Variants in PTPN2 observed in about 807,000 individuals in gnomAD.
The protein encoded by PTPN2 is tyrosine-protein phosphatase non-receptor type 2.
A neutral mutation model predicts 57.3 loss-of-function variants in PTPN2; 19 were observed. The observed-to-expected ratio is 0.33, with a 90% CI of 0.23 to 0.49. PTPN2 has a LOEUF of 0.49. Among genes scored for constraint, PTPN2 ranks in the 20% least tolerant of loss-of-function variants. The pLI, the probability that PTPN2 is intolerant of heterozygous loss-of-function variation, is 0.99. For synonymous variants in PTPN2, 153 were observed against 164.9 expected, an observed-to-expected ratio of 0.93 and a Z score of 0.55; for missense variants, 358 against 501.1, an observed-to-expected ratio of 0.71 and a Z score of 2.73.
At chr18:12,794,782 C>A (rs2041106239) in intron 8 of PTPN2, among the ~76,000 whole-genome samples, 2 of 152,082 alleles carry the variant, frequency 1.3e-5, no homozygotes, top group Admixed American at 1.3e-4. Context: ...CCACTATGCC[C>A]AGCTAATTTT....
downstream of PTPN2, among the ~76,000 whole-genome samples, chr18:12,789,584 C>T (rs897743546): frequency 1.1e-4 from 16 of 152,160 alleles, 1 homozygote; most frequent in African/African-American, 3.9e-4. Flanking sequence ...CACAGCCAGG[C>T]GAGGGAGGAC....
chr18:12,870,939 A>T (rs553406569), intron 1 of PTPN2, among the ~76,000 whole-genome samples: 71 of 152,242 alleles, frequency 4.7e-4, no homozygotes, highest in Middle Eastern at 3.4e-3. Flanking sequence ...GTTAAGTCAC[A>T]TTCTCCTCTC....
chr18:12,859,377 T>C (rs1321817753), intron 1 of PTPN2, 123 bp from the exon 2 acceptor site: 4 of 608,000 alleles, frequency 6.6e-6, no homozygotes, highest in Admixed American at 6.1e-5. Context: ...GGAAAGCACA[T>C]TGTTTACATC....
intron 2 of PTPN2, among the ~76,000 whole-genome samples, chr18:12,853,751 T>C (rs1167621355): frequency 6.6e-6 from 1 of 152,228 alleles, no homozygotes; most frequent in East Asian, 1.9e-4. Context: ...TCAGTTTTAC[T>C]GAAATGAATA....
rs200147586 is a variant in PTPN2 at position 12,870,400 on chromosome 18, TAC to T, written c.70-11148_70-11147del. On this transcript the variant is annotated intron_variant, in intron 1 of 8. Transcript: ENST00000309660. ...ATATATATACGTATATATGTATATATACACGTATATATATGTATATATATACG... is the reference window on the plus strand; with the variant it reads ...ATATATATACGTATATATGTATATATACGTATATATATGTATATATATACG... Among the ~76,000 whole-genome samples, 11 of 83,798 alleles carry T rather than the reference TAC, an allele frequency of 1.3e-4. 1 individual carries two copies. Among genetic ancestry groups the T allele is most frequent in the African/African-American group, 1.7e-4 (2 of 11,744 alleles). 55.0% of individuals were successfully genotyped at this position (83,798 alleles called of 152,430 possible). A position where few individuals can be genotyped will look rare whatever the true frequency, so the allele number is the denominator to read the frequency against.
chr18:12,883,851 G>A (rs1364601062), intron 1 of PTPN2: 2 of 460,638 alleles, frequency 4.3e-6, no homozygotes, highest in Non-Finnish European at 7.7e-6. Context: ...CTAACCATGA[G>A]CTGCTCAGCT....
chr18:12,854,408 G>A (rs987474495), intron 2 of PTPN2, among the ~76,000 whole-genome samples: 1 of 151,514 alleles, frequency 6.6e-6, no homozygotes, highest in Non-Finnish European at 1.5e-5. Flanking sequence ...ATACATCATG[G>A]AAATGGAAAT....
In PTPN2 at chr18:12,794,381, C is replaced by T; in HGVS notation, c.1145G>A (p.Trp382Ter). The change falls in exon 9 of 9, where the codon TGG becomes TAG. Residue 382 changes from tryptophan (W) to a stop codon, truncating the protein, a stop_gained. Transcript: ENST00000309660. LOFTEE classifies it high-confidence loss of function. The part of the protein sequence containing the change: ...LNENERKRKR[W>*]LYWQPILTKM... ...AGTGAGAATAGGTTGCCAATATAAC[C>T]ACCTTTTTCTTTTTCGTTCATTCTC... 6.2e-7 allele frequency: 1 copy of T among 1,614,134 alleles called. No individual in the cohort carries two copies. The highest frequency in any genetic ancestry group is 1.1e-5 in the South Asian group (1 of 91,080).
intron 8 of PTPN2, among the ~76,000 whole-genome samples, chr18:12,796,962 T>C (rs2041213203): frequency 6.6e-6 from 1 of 152,244 alleles, no homozygotes; most frequent in Admixed American, 6.5e-5. Context: ...GTTCATCTTA[T>C]GGTGCTTTCT....
chr18:12,819,217 T>TAA, intron 5 of PTPN2: 1 of 1,412,040 alleles, frequency 7.1e-7, no homozygotes, highest in Non-Finnish European at 9.5e-7. Flanking sequence ...TACATACTTT[T>TAA]AGTGACCTTT....
At position 12,884,156 on chromosome 18, in the gene PTPN2, G is replaced by C. The variant is rs1380458401; in HGVS notation, c.-15C>G. On this transcript the variant is annotated 5_prime_UTR_variant, in exon 1 of 9. Coordinates refer to ENST00000309660, the MANE Select transcript of PTPN2 (RefSeq NM_002828.4). ...GTGGTGGGCATGGCTGCGGGAGCGAGCTGGCGCGAGCAGAGCCTGCGCCGG... is the reference window on the plus strand; with the variant it reads ...GTGGTGGGCATGGCTGCGGGAGCGACCTGGCGCGAGCAGAGCCTGCGCCGG... The C allele has an allele frequency of 6.4e-7, 1 of 1,572,166 alleles. No individual in the cohort carries two copies. Among genetic ancestry groups the C allele is most frequent in the Non-Finnish European group, 8.6e-7 (1 of 1,161,212 alleles).
intron 3 of PTPN2, among the ~76,000 whole-genome samples, chr18:12,835,164 A>T (rs2042811185): frequency 6.6e-6 from 1 of 152,200 alleles, no homozygotes. Context: ...AGAAAATAAA[A>T]TTTTTAACTC....
At chr18:12,791,658 GT>G (rs34250022), downstream of PTPN2, among the ~76,000 whole-genome samples, 3,262 of 152,252 alleles carry the variant, frequency 0.021, 47 homozygotes, top group Non-Finnish European at 0.031. Flanking sequence ...AGCATCCACT[GT>G]CAATGCCCTT....
chr18:12,818,513 T>C (rs541582315), intron 5 of PTPN2, among the ~76,000 whole-genome samples: 22 of 152,284 alleles, frequency 1.4e-4, no homozygotes, highest in African/African-American at 5.3e-4. Flanking sequence ...TATTTCTAAC[T>C]CATTATGAAA....
At chr18:12,861,655 G>T (rs147758903) in intron 1 of PTPN2, among the ~76,000 whole-genome samples, 12 of 152,238 alleles carry the variant, frequency 7.9e-5, no homozygotes, top group African/African-American at 2.9e-4. Flanking sequence ...TACTGTAAAT[G>T]GGATTAAAAC....
downstream of PTPN2, among the ~76,000 whole-genome samples, chr18:12,790,208 G>A (rs1489955721): frequency 6.6e-6 from 1 of 152,116 alleles, no homozygotes; most frequent in Non-Finnish European, 1.5e-5. Context: ...ACAGGTGTGA[G>A]CTACTGTGAC....
At chr18:12,839,315 T>C (rs1454894183) in intron 2 of PTPN2, among the ~76,000 whole-genome samples, 1 of 152,206 alleles carries the variant, frequency 6.6e-6, no homozygotes, top group East Asian at 1.9e-4. Flanking sequence ...GCCCAGATAC[T>C]ATCAGTCAGC....
chr18:12,844,920 A>C (rs570643240), intron 2 of PTPN2, among the ~76,000 whole-genome samples: 1 of 152,224 alleles, frequency 6.6e-6, no homozygotes, highest in African/African-American at 2.4e-5. Flanking sequence ...GTAAGGTGTG[A>C]GATTTCATTT....
At chr18:12,878,054 T>A (rs2044549798) in intron 1 of PTPN2, among the ~76,000 whole-genome samples, 1 of 139,342 alleles carries the variant, frequency 7.2e-6, no homozygotes, top group South Asian at 2.3e-4. Flanking sequence ...AAAAGAAAAA[T>A]GGCCAGGCAC....
Sources: allele counts gnomAD v4.1 joint callset (sites outside exome capture counted in the v4.1 genomes callset), GRCh38; gene constraint gnomAD v4.1.1; transcripts MANE v1.5; gene names NCBI Gene and HGNC (gene_info 2026-07-23, HGNC 2026-07-21).